PROSER3: variants seen among roughly 807,000 people sequenced by gnomAD.
PROSER3 encodes the protein proline and serine rich 3, also known as proline and serine-rich protein 3.
A neutral mutation model predicts 50.2 loss-of-function variants in PROSER3; 33 were observed. The ratio of observed to expected loss-of-function variants is 0.66; its 90% CI spans 0.50 to 0.88. The LOEUF is 0.88. Among genes scored for constraint, PROSER3 ranks in the 40% least tolerant of loss-of-function variants. PROSER3 has a pLI of 0.00. For missense variants in PROSER3, 623 were observed against 612.7 expected, an observed-to-expected ratio of 1.02 and a Z score of -0.18; for synonymous variants, 266 against 259.3, an observed-to-expected ratio of 1.03 and a Z score of -0.25.
exon 11 of PROSER3, chr19:35,768,495 A>T (rs186908397): frequency 1.3e-6 from 2 of 1,597,990 alleles, no homozygotes; most frequent in Non-Finnish European, 1.7e-6. Flanking sequence ...TAGGTCCCCA[A>T]GGAGGCTGCT....
At chr19:35,763,535 G>C (rs561309489) in intron 5 of PROSER3, among the ~76,000 whole-genome samples, 1 of 130,728 alleles carries the variant, frequency 7.6e-6, no homozygotes, top group African/African-American at 2.9e-5. Context: ...ACGGAGTCTT[G>C]TGCTGTCATC....
intron 5 of PROSER3, 174 bp downstream of exon 5, chr19:35,762,530 G>T: frequency 4.4e-6 from 2 of 454,944 alleles, no homozygotes; most frequent in East Asian, 3.6e-5. Context: ...GTGACATGGT[G>T]AGATTCTGCC....
chr19:35,760,056 T>C, intron 3 of PROSER3, 65 bp downstream of exon 3: 1 of 1,402,384 alleles, frequency 7.1e-7, no homozygotes, highest in Non-Finnish European at 9.5e-7. Flanking sequence ...AGGCATGCAG[T>C]AATAATCATC....
chr19:35,768,354 T>C (rs976455528), intron 10 of PROSER3, 50 bp from the exon 11 acceptor site: 5 of 1,584,136 alleles, frequency 3.2e-6, no homozygotes, highest in Non-Finnish European at 4.3e-6. Context: ...AGCCCCAGAT[T>C]CTAAGCCTGA....
At chr19:35,767,983 G>C (rs950904831) in exon 9 of PROSER3, 3 of 1,603,644 alleles carry the variant, frequency 1.9e-6, no homozygotes, top group Non-Finnish European at 2.5e-6. Flanking sequence ...CGGAGGCCCT[G>C]GCCCCGCCCC....
At chr19:35,770,276 G>A (rs1394802476), downstream of PROSER3, among the ~76,000 whole-genome samples, 2 of 151,796 alleles carry the variant, frequency 1.3e-5, no homozygotes, top group Admixed American at 6.6e-5. Context: ...AACCTCAGGT[G>A]TCCCACCCAC....
At chr19:35,759,710 T>C in intron 2 of PROSER3, 79 bp from the exon 3 acceptor site, 1 of 1,343,472 alleles carries the variant, frequency 7.4e-7, no homozygotes, top group Non-Finnish European at 1.0e-6. Flanking sequence ...ACTGAGACTT[T>C]GTGTGTGTCC....
chr19:35,767,341 G>T (rs887594994), intron 8 of PROSER3: 1 of 264,266 alleles, frequency 3.8e-6, no homozygotes, highest in South Asian at 6.5e-5. Context: ...CTACCCTCGC[G>T]CCCCCGGCTT....
intron 8 of PROSER3, chr19:35,767,122 C>T: frequency 2.2e-6 from 2 of 896,992 alleles, no homozygotes; most frequent in Non-Finnish European, 3.2e-6. Context: ...CCCAGCCTAA[C>T]CATGTCCCAC....
chr19:35,768,268 C>G, intron 10 of PROSER3, 32 bp downstream of exon 10: 1 of 1,599,930 alleles, frequency 6.3e-7, no homozygotes, highest in Non-Finnish European at 8.5e-7. Context: ...GAGTCTATGA[C>G]ACTGGGCCCC....
chr19:35,763,425 C>G (rs1206824376), intron 5 of PROSER3, among the ~76,000 whole-genome samples: 1 of 151,050 alleles, frequency 6.6e-6, no homozygotes, highest in Non-Finnish European at 1.5e-5. Context: ...AGGCTTGTCT[C>G]GAACTCCTGA....
chr19:35,758,241 T>A lies in PROSER3; in HGVS notation c.11+15T>A, dbSNP rs1294565956. On this transcript the variant is annotated intron_variant, in intron 1 of 10. Transcript: ENST00000396908. ...ATGGACCGCAGGTGAGGCCGATCGC[T>A]CTTCCAGGGACTACAGGAGGCTGGG... 6.4e-7 allele frequency: 1 copy of A among 1,562,206 alleles called. No homozygotes were observed. Among genetic ancestry groups the A allele is most frequent in the African/African-American group, 1.4e-5 (1 of 73,664 alleles).
At chr19:35,767,771 C>G in intron 8 of PROSER3, 2 of 1,590,862 alleles carry the variant, frequency 1.3e-6, no homozygotes. Context: ...CAAGGTCACT[C>G]CCCCTCCATC....
chr19:35,770,874 T>C (rs1473831698), downstream of PROSER3: 1 of 130,062 alleles, frequency 7.7e-6, no homozygotes, highest in Non-Finnish European at 1.6e-5. Flanking sequence ...TGACACTTGC[T>C]TTAGAGGCTA....
At chr19:35,762,559 AAAAAG>A (rs1970992010) in intron 5 of PROSER3, 6 of 514,728 alleles carry the variant, frequency 1.2e-5, no homozygotes, top group Admixed American at 3.4e-5. Flanking sequence ...AAAAAAAAAA[AAAAAG>A]AGAGAGAGAG....
exon 11 of PROSER3, chr19:35,768,643 G>A: frequency 1.4e-6 from 2 of 1,429,660 alleles, no homozygotes; most frequent in Admixed American, 2.5e-5. Context: ...AAGGCCAAGG[G>A]GTCATGCCAA....
At chr19:35,768,465 C>G (rs1192870898) in exon 11 of PROSER3, 4 of 1,598,268 alleles carry the variant, frequency 2.5e-6, no homozygotes, top group Admixed American at 3.3e-5. Context: ...ATCTTGGTCC[C>G]CTCCAGCCGG....
chr19:35,768,653 A>G (rs1971256585), exon 11 of PROSER3: 1 of 1,356,682 alleles, frequency 7.4e-7, no homozygotes, highest in Non-Finnish European at 9.8e-7. Flanking sequence ...GGTCATGCCA[A>G]TTTAAGGAAA....
At chr19:35,759,810 C>G (rs1429853531) in exon 3 of PROSER3, 1 of 1,566,372 alleles carries the variant, frequency 6.4e-7, no homozygotes, top group South Asian at 1.2e-5. Context: ...ATCCAGGTCT[C>G]AGAGATCCAG....
Sources: gnomAD v4.1 joint callset for allele counts (sites outside exome capture counted in the v4.1 genomes callset) on GRCh38, gnomAD v4.1.1 for gene constraint, MANE v1.5 for transcripts, NCBI Gene and HGNC (gene_info 2026-07-23, HGNC 2026-07-21) for gene names.